The following FAT1 variants were observed in gnomAD, a reference collection of about 807,000 sequenced individuals.
The protein encoded by FAT1 is FAT atypical cadherin 1, also known as protocadherin Fat 1.
FAT1 carries 171 observed loss-of-function variants against 329.8 expected under a neutral mutation model. That is an observed-to-expected ratio of 0.52 (90% CI 0.46 to 0.59). The LOEUF (loss-of-function observed/expected upper bound fraction) is 0.59, where lower values mean the gene tolerates loss of function less well. FAT1 is among the 20% of genes least tolerant of loss of function. The pLI, the probability that FAT1 is intolerant of heterozygous loss-of-function variation, is 0.00. For synonymous variants in FAT1, 2,233 were observed against 2,228.6 expected (o/e 1.00, Z -0.06); for missense variants, 5,672 against 5,774.4 (o/e 0.98, Z 0.57).
chr4:186,705,752 T>C (rs563084498), intron 2 of FAT1, among the ~76,000 whole-genome samples: 71 of 152,342 alleles, frequency 4.7e-4, no homozygotes, highest in African/African-American at 1.7e-3. Flanking sequence ...ACACACGCAC[T>C]TTCTAGCTTG....
At chr4:186,676,789 G>A (rs976814280) in intron 2 of FAT1, among the ~76,000 whole-genome samples, 2 of 152,168 alleles carry the variant, frequency 1.3e-5, no homozygotes, top group African/African-American at 4.8e-5. Flanking sequence ...CACAGCTGGT[G>A]GAAGGGCCAG....
intron 2 of FAT1, among the ~76,000 whole-genome samples, chr4:186,699,861 C>G (rs1158835741): frequency 1.3e-5 from 2 of 152,192 alleles, no homozygotes; most frequent in African/African-American, 4.8e-5. Flanking sequence ...AAACTAACAC[C>G]TAAAGCTTAA....
chr4:186,723,168 A>G (rs968649916), intron 1 of FAT1, among the ~76,000 whole-genome samples: 1 of 152,236 alleles, frequency 6.6e-6, no homozygotes, highest in Non-Finnish European at 1.5e-5. Context: ...TTCAGCCCCG[A>G]AATGCAGCCT....
At position 186,633,828 on chromosome 4, in the gene FAT1, T is replaced by C. The variant is rs931520760; in HGVS notation, c.4184-5A>G. ...AGTGACTGTCGTAGTTGCCACCTAA[T>C]TTGGGGAAAAAAAAGTAAAAACAGG... On this transcript the variant is annotated splice_region_variant and splice_polypyrimidine_tract_variant and intron_variant, in intron 6 of 26. Transcript: ENST00000441802. The C allele has an allele frequency of 6.2e-7, 1 of 1,613,732 alleles. No homozygotes were observed. Among genetic ancestry groups the C allele is most frequent in the Non-Finnish European group, 8.5e-7 (1 of 1,179,804 alleles).
chr4:186,667,181 G>T (rs150353670), intron 2 of FAT1, among the ~76,000 whole-genome samples: 1 of 152,138 alleles, frequency 6.6e-6, no homozygotes, highest in Admixed American at 6.5e-5. Flanking sequence ...TGATTTTTCC[G>T]TCGTGCCTTA....
intron 2 of FAT1, among the ~76,000 whole-genome samples, chr4:186,685,179 C>T (rs550623346): frequency 8.5e-5 from 13 of 152,276 alleles, no homozygotes; most frequent in African/African-American, 3.1e-4. Flanking sequence ...TGAGATCAAA[C>T]AAAGCATTCC....
rs770836829 is a variant in FAT1, at chr4:186,639,787, T to C, written c.3581-4A>G. 2 of 1,609,328 alleles carry C rather than the reference T, an allele frequency of 1.2e-6. No individual in the cohort carries two copies. ...CTTGACGTAGTTGTGATGAGACCTG[T>C]AAAATGATAACAGTTCATTAATCCT... On this transcript the variant is annotated splice_polypyrimidine_tract_variant and splice_region_variant and intron_variant, in intron 3 of 26. Coordinates refer to ENST00000441802, the MANE Select transcript of FAT1 (RefSeq NM_005245.4).
At chr4:186,667,895 T>C (rs1257803744) in intron 2 of FAT1, among the ~76,000 whole-genome samples, 1 of 152,196 alleles carries the variant, frequency 6.6e-6, no homozygotes, top group African/African-American at 2.4e-5. Context: ...CCTCAGGGTC[T>C]TCTCCACTGA....
chr4:186,670,559 G>A lies in FAT1; in HGVS notation c.3266-6946C>T, dbSNP rs150723411. On this transcript the variant is annotated intron_variant, in intron 2 of 26. Transcript: ENST00000441802. ...CTGTTGCTGCAATTAATCTATAAAC[G>A]GTTATTCAATTTTTCCTGCTAATTA... is the stretch of plus-strand genomic sequence containing the variant. 1.2e-4 allele frequency among the ~76,000 whole-genome samples: 19 copies of A among 152,124 alleles called. No individual in the cohort carries two copies. The East Asian group carries it at 3.5e-3, about 28-fold the overall frequency.
chr4:186,611,529 G>T lies in FAT1; in HGVS notation c.9710C>A (p.Ala3237Asp), dbSNP rs2126467825. Residue 3237 changes from alanine (A) to aspartate (D), a missense_variant, in exon 14 of 27, where the codon GCC (alanine) becomes GAC (aspartate). Physicochemically the swap from Ala to Asp is moderately radical, Grantham distance 126. Transcript: ENST00000441802. ...PPVFEYREYG[A>D]TVSEDILVGT... ...AACAAGAATGTCCTCAGACACGGTG[G>T]CACCATATTCACGGTACTCAAACAC... 6.2e-7 allele frequency: 1 copy of T among 1,613,866 alleles called. No individual in the cohort carries two copies. The highest frequency in any genetic ancestry group is 8.5e-7 in the Non-Finnish European group (1 of 1,179,852).
chr4:186,635,881 ATAT>A, intron 6 of FAT1, 141 bp downstream of exon 6: 1 of 694,118 alleles, frequency 1.4e-6, no homozygotes, highest in Non-Finnish European at 2.4e-6. Context: ...TGCAATCAAA[ATAT>A]TATAGTTGAA....
At chr4:186,655,717 G>A (rs1741870985) in intron 3 of FAT1, among the ~76,000 whole-genome samples, 1 of 152,042 alleles carries the variant, frequency 6.6e-6, no homozygotes, top group African/African-American at 2.4e-5. Flanking sequence ...ACAGGCACGA[G>A]CCACCACACC....
At chr4:186,714,506 T>C (rs531189958) in intron 1 of FAT1, among the ~76,000 whole-genome samples, 32 of 151,694 alleles carry the variant, frequency 2.1e-4, no homozygotes, top group Non-Finnish European at 2.9e-4. Flanking sequence ...AGCCGGCAGA[T>C]AGAAATTTGA....
chr4:186,651,115 ATAAT>A (rs1741630676), intron 3 of FAT1, among the ~76,000 whole-genome samples: 1 of 147,822 alleles, frequency 6.8e-6, no homozygotes, highest in Admixed American at 6.8e-5. Context: ...TCATAAATTA[ATAAT>A]TAACAAATAA....
chr4:186,642,696 G>A (rs372926408), intron 3 of FAT1, among the ~76,000 whole-genome samples: 5 of 152,206 alleles, frequency 3.3e-5, no homozygotes, highest in African/African-American at 7.2e-5. Flanking sequence ...GGCACCCTGC[G>A]GGTATTTAGA....
chr4:186,607,128 T>C (rs887677753), intron 16 of FAT1, among the ~76,000 whole-genome samples: 1 of 152,232 alleles, frequency 6.6e-6, no homozygotes, highest in Non-Finnish European at 1.5e-5. Context: ...AATTAAAGAA[T>C]TTAATGAGGT....
chr4:186,697,061 T>A (rs953195257), intron 2 of FAT1, among the ~76,000 whole-genome samples: 1 of 152,166 alleles, frequency 6.6e-6, no homozygotes, highest in African/African-American at 2.4e-5. Context: ...TAATTAATTC[T>A]GTCTGCCAAG....
chr4:186,654,209 A>T (rs1741797590), intron 3 of FAT1, among the ~76,000 whole-genome samples: 1 of 152,216 alleles, frequency 6.6e-6, no homozygotes, highest in Admixed American at 6.5e-5. Flanking sequence ...GTAAATAAGG[A>T]GCACAGCAGG....
rs779135249 is a variant in FAT1, at chr4:186,588,956, A to T, written c.13403T>A (p.Met4468Lys). Residue 4468 changes from methionine to lysine, a missense_variant, in exon 27 of 27, where the codon ATG (methionine) becomes AAG (lysine). By Grantham distance (95) the Met-to-Lys change is moderately conservative (BLOSUM62 -1). Coordinates refer to ENST00000441802, the MANE Select transcript of FAT1 (RefSeq NM_005245.4). ...AGAACCCAAGCTACCCGCGGCAGGC[A>T]TGTCTCTAGGAGGGTGGATGGATTC... ...QFESIHPPRD[M>K]PAAGSLGSSS... 4 of 1,613,978 alleles carry T rather than the reference A, an allele frequency of 2.5e-6. No homozygotes were observed. Among genetic ancestry groups the T allele is most frequent in the Non-Finnish European group, 3.4e-6 (4 of 1,179,882 alleles).
Sources: gnomAD v4.1 joint callset for allele counts (sites outside exome capture counted in the v4.1 genomes callset) on GRCh38, gnomAD v4.1.1 for gene constraint, MANE v1.5 for transcripts, NCBI Gene and HGNC (gene_info 2026-07-23, HGNC 2026-07-21) for gene names.